The following CAP2 variants were observed in gnomAD, a reference collection of about 807,000 sequenced individuals.
CAP2 encodes cyclase associated actin cytoskeleton regulatory protein 2, also known as adenylyl cyclase-associated protein 2.
A neutral mutation model predicts 57.7 loss-of-function variants in CAP2; 24 were observed. The ratio of observed to expected loss-of-function variants is 0.42; its 90% confidence interval spans 0.30 to 0.58. The LOEUF (loss-of-function observed/expected upper bound fraction) is 0.58. Ranked by LOEUF, CAP2 falls within the 20% of genes least tolerant of loss-of-function variation. The pLI is 0.22. For synonymous variants in CAP2, 194 were observed against 207.2 expected (o/e 0.94, Z 0.55); for missense variants, 501 against 590.3 (o/e 0.85, Z 1.57).
At chr6:17,404,888 C>T (rs1038149251) in intron 1 of CAP2, among the ~76,000 whole-genome samples, 4 of 151,882 alleles carry the variant, frequency 2.6e-5, no homozygotes, top group Admixed American at 6.6e-5. Context: ...CTTTATTCAT[C>T]GTTATTGTTC....
At chr6:17,451,877 T>C (rs1018411472) in intron 3 of CAP2, among the ~76,000 whole-genome samples, 2 of 152,174 alleles carry the variant, frequency 1.3e-5, no homozygotes. Context: ...TTTCAATAGA[T>C]TTTTTTCTGA....
intron 4 of CAP2, among the ~76,000 whole-genome samples, chr6:17,500,368 T>G (rs1420645526): frequency 3.8e-5 from 4 of 105,290 alleles, no homozygotes; most frequent in African/African-American, 1.6e-4. Flanking sequence ...TATATATATA[T>G]ATATATATAT....
chr6:17,531,002 T>A, intron 7 of CAP2: 1 of 1,210,628 alleles, frequency 8.3e-7, no homozygotes, highest in Non-Finnish European at 1.2e-6. Context: ...GTGGAGAAGA[T>A]AATTTGAAGG....
chr6:17,425,853 G>T (rs1759574579), intron 2 of CAP2, among the ~76,000 whole-genome samples: 1 of 152,174 alleles, frequency 6.6e-6, no homozygotes, highest in Non-Finnish European at 1.5e-5. Context: ...CCAGTACCTT[G>T]GGAGGCCAAG....
intron 4 of CAP2, among the ~76,000 whole-genome samples, chr6:17,470,138 T>A (rs1760980547): frequency 6.6e-6 from 1 of 152,244 alleles, no homozygotes; most frequent in Non-Finnish European, 1.5e-5. Flanking sequence ...GAAAAACGAA[T>A]TCATCTATGT....
chr6:17,556,498 A>C lies in CAP2; in HGVS notation c.*56A>C. ...ATCCCCCTCTATCAAACAAACAAAA[A>C]AGCAGCAGTAAAGAGCTAGAAGTTG... On this transcript the variant is annotated 3_prime_UTR_variant, in exon 13 of 13. Coordinates refer to ENST00000229922, the MANE Select transcript of CAP2 (RefSeq NM_006366.3). 1 of 1,273,250 alleles carries C rather than the reference A, an allele frequency of 7.9e-7. No homozygotes were observed. Among genetic ancestry groups the C allele is most frequent in the Non-Finnish European group, 1.2e-6 (1 of 869,356 alleles). 78.9% of individuals were successfully genotyped at this position (1,273,250 alleles called of 1,614,324 possible).
intron 11 of CAP2, among the ~76,000 whole-genome samples, chr6:17,545,772 T>A (rs906127509): frequency 1.3e-5 from 2 of 152,224 alleles, no homozygotes; most frequent in East Asian, 3.9e-4. Flanking sequence ...GTTCAATACC[T>A]ATGAGTGAGA....
intron 2 of CAP2, among the ~76,000 whole-genome samples, chr6:17,425,724 T>C (rs1417171814): frequency 1.3e-5 from 2 of 152,160 alleles, no homozygotes; most frequent in African/African-American, 2.4e-5. Context: ...TGAAATGAAA[T>C]TATGTAGCGT....
At chr6:17,509,425 C>A (rs1371587475) in intron 6 of CAP2, among the ~76,000 whole-genome samples, 1 of 152,132 alleles carries the variant, frequency 6.6e-6, no homozygotes, top group Non-Finnish European at 1.5e-5. Flanking sequence ...CTCCTGTAAT[C>A]CCAGCACTGT....
chr6:17,475,203 A>G (rs1434712912), intron 4 of CAP2, among the ~76,000 whole-genome samples: 1 of 151,220 alleles, frequency 6.6e-6, no homozygotes, highest in Non-Finnish European at 1.5e-5. Context: ...TCAAAAAAAA[A>G]AAAAAAGAAA....
chr6:17,553,219 C>T (rs1476036244), intron 12 of CAP2, among the ~76,000 whole-genome samples: 7 of 152,264 alleles, frequency 4.6e-5, no homozygotes, highest in African/African-American at 1.7e-4. Flanking sequence ...AATCTATGGG[C>T]GTGGGACCCA....
chr6:17,476,623 G>A (rs1339122666), intron 4 of CAP2, among the ~76,000 whole-genome samples: 1 of 152,146 alleles, frequency 6.6e-6, no homozygotes, highest in Non-Finnish European at 1.5e-5. Flanking sequence ...GGCTCCCTTG[G>A]CACTGGTCTT....
chr6:17,502,408 A>C (rs1761848752), intron 4 of CAP2, among the ~76,000 whole-genome samples: 1 of 152,188 alleles, frequency 6.6e-6, no homozygotes, highest in Non-Finnish European at 1.5e-5. Context: ...GGTGAAGATA[A>C]GACTTCTTTA....
chr6:17,403,473 A>C (rs115761765), intron 1 of CAP2, among the ~76,000 whole-genome samples: 1 of 152,250 alleles, frequency 6.6e-6, no homozygotes, highest in Admixed American at 6.5e-5. Flanking sequence ...AGTGTTCAAA[A>C]GAGAGAGATT....
intron 4 of CAP2, among the ~76,000 whole-genome samples, chr6:17,464,149 A>G (rs1423138807): frequency 6.6e-6 from 1 of 152,226 alleles, no homozygotes. Flanking sequence ...ACAACTTTTG[A>G]CAATGCTGAT....
chr6:17,523,749 T>C (rs974369438), intron 7 of CAP2, among the ~76,000 whole-genome samples: 3 of 152,184 alleles, frequency 2.0e-5, no homozygotes, highest in African/African-American at 7.2e-5. Flanking sequence ...ATTAGTAACC[T>C]TCCAAGAGCA....
chr6:17,435,742 A>C (rs4716144), intron 3 of CAP2, among the ~76,000 whole-genome samples: 44,528 of 137,896 alleles, frequency 0.32, 6,944 homozygotes, highest in Non-Finnish European at 0.4. Flanking sequence ...ACAAAAAAAA[A>C]ACAATATATT....
intron 4 of CAP2, among the ~76,000 whole-genome samples, chr6:17,499,905 A>G (rs1006748540): frequency 1.1e-4 from 17 of 151,368 alleles, no homozygotes; most frequent in African/African-American, 4.1e-4. Flanking sequence ...TATAAGGAAT[A>G]TAAGGAACAT....
At chr6:17,444,082 A>G (rs1028398750) in intron 3 of CAP2, among the ~76,000 whole-genome samples, 2 of 152,242 alleles carry the variant, frequency 1.3e-5, no homozygotes, top group African/African-American at 4.8e-5. Context: ...ATATACAGGT[A>G]AAGTAGCATG....
Sources: gnomAD v4.1 joint callset for allele counts (sites outside exome capture counted in the v4.1 genomes callset) on GRCh38, gnomAD v4.1.1 for gene constraint, MANE v1.5 for transcripts, NCBI Gene and HGNC (gene_info 2026-07-23, HGNC 2026-07-21) for gene names.